Variants in GPHN observed in about 807,000 individuals in gnomAD.
The protein encoded by GPHN is gephyrin.
Under a neutral mutation model 95.5 loss-of-function variants are expected in GPHN, and 17 were observed. That is an observed-to-expected ratio of 0.18 (90% confidence interval 0.12 to 0.27). The LOEUF (loss-of-function observed/expected upper bound fraction) is 0.27. Among genes scored for constraint, GPHN ranks in the 10% least tolerant of loss-of-function variants. The pLI is 1.00. For missense variants in GPHN, 660 were observed against 978.1 expected (o/e 0.67, Z 4.34); for synonymous variants, 320 against 322.5 (o/e 0.99, Z 0.08).
chr14:67,312,018 G>C, the GPHN span: 1 of 152,640 alleles, frequency 6.6e-6, no homozygotes, highest in Admixed American at 6.5e-5. Context: ...GTAAGGTAAA[G>C]TGTACCTTTT....
chr14:67,171,529 G>A (rs866190776), intron 21 of GPHN, among the ~76,000 whole-genome samples: 16 of 151,748 alleles, frequency 1.1e-4, no homozygotes, highest in Admixed American at 2.0e-4. Context: ...AGCTTTTTTC[G>A]CTAGAAACAT....
At chr14:67,340,846 G>C in the GPHN span, among the ~76,000 whole-genome samples, 182 of 152,288 alleles carry the variant, frequency 1.2e-3, no homozygotes, top group Middle Eastern at 3.4e-3. Flanking sequence ...ACTGGTTTTC[G>C]TATTTTTTTG....
the GPHN span, among the ~76,000 whole-genome samples, chr14:67,667,364 C>T: frequency 6.6e-6 from 1 of 152,122 alleles, no homozygotes; most frequent in Non-Finnish European, 1.5e-5. Flanking sequence ...GGAGGACTTA[C>T]ACCCTTTATT....
At chr14:66,709,490 A>G (rs1164588753) in intron 2 of GPHN, 1 of 441,146 alleles carries the variant, frequency 2.3e-6, no homozygotes, top group Admixed American at 2.4e-5. Context: ...AGCCTATACA[A>G]TGTGAATTCA....
At chr14:66,632,723 C>A (rs937931833) in intron 1 of GPHN, among the ~76,000 whole-genome samples, 1 of 152,026 alleles carries the variant, frequency 6.6e-6, no homozygotes, top group African/African-American at 2.4e-5. Flanking sequence ...CAACTTCTGA[C>A]CTCGTGATCC....
chr14:67,415,265 C>CT, the GPHN span, among the ~76,000 whole-genome samples: 8,875 of 150,828 alleles, frequency 0.059, 365 homozygotes, highest in Middle Eastern at 0.15. Context: ...TGAACCCTGC[C>CT]TTTTTTTTTA....
At chr14:67,340,943 C>T in the GPHN span, among the ~76,000 whole-genome samples, 5 of 152,248 alleles carry the variant, frequency 3.3e-5, no homozygotes, top group African/African-American at 7.2e-5. Flanking sequence ...CCCGAGGTGC[C>T]GGGATTGCAG....
At chr14:67,465,726 G>GC in the GPHN span, among the ~76,000 whole-genome samples, 1 of 152,156 alleles carries the variant, frequency 6.6e-6, no homozygotes, top group East Asian at 1.9e-4. Flanking sequence ...CCACGTCCAA[G>GC]CCCCCTGAAG....
At position 67,156,455 on chromosome 14, in the gene GPHN, G is replaced by A. The variant is rs141748374; in HGVS notation, c.1837-2960G>A. On this transcript the variant is annotated intron_variant, in intron 18 of 22. Transcript: ENST00000478722. ...CTGGGAAGTGATTTTTAAAAACCCA[G>A]TTATGAGTAGACTGTAATAAGTCAA... Among the ~76,000 whole-genome samples, 513 of 152,176 alleles carry A rather than the reference G, an allele frequency of 3.4e-3. 1 individual carries two copies. Among genetic ancestry groups the A allele is most frequent in the Non-Finnish European group, 6.1e-3 (413 of 67,996 alleles).
At chr14:66,891,502 TC>T (rs2064498732) in intron 5 of GPHN, among the ~76,000 whole-genome samples, 1 of 151,852 alleles carries the variant, frequency 6.6e-6, no homozygotes, top group Admixed American at 6.6e-5. Flanking sequence ...TCAAAATGGA[TC>T]AAAGACCTGT....
intron 5 of GPHN, among the ~76,000 whole-genome samples, chr14:66,910,037 G>T (rs1301262500): frequency 1.3e-5 from 2 of 151,862 alleles, no homozygotes; most frequent in African/African-American, 4.8e-5. Flanking sequence ...TCATCAAAAT[G>T]GATTTAATAA....
intron 1 of GPHN, among the ~76,000 whole-genome samples, chr14:66,614,477 T>C (rs769855599): frequency 6.6e-6 from 1 of 152,120 alleles, no homozygotes. Flanking sequence ...TTAAAACTTA[T>C]TCACTTATTG....
chr14:67,286,237 A>G, the GPHN span, among the ~76,000 whole-genome samples: 1 of 152,130 alleles, frequency 6.6e-6, no homozygotes, highest in Non-Finnish European at 1.5e-5. Flanking sequence ...CCTAGCACAT[A>G]TATCAGTCTT....
At chr14:67,606,438 A>G in the GPHN span, among the ~76,000 whole-genome samples, 1 of 152,198 alleles carries the variant, frequency 6.6e-6, no homozygotes, top group Non-Finnish European at 1.5e-5. Context: ...AGCTTGTGAG[A>G]AAGTTTAGAT....
chr14:66,913,363 C>T (rs867750308), intron 5 of GPHN, among the ~76,000 whole-genome samples: 3 of 151,850 alleles, frequency 2.0e-5, no homozygotes, highest in East Asian at 1.9e-4. Flanking sequence ...TTTTTTGAGA[C>T]GAAGTCTTAC....
At chr14:66,957,091 G>A (rs112214188) in intron 8 of GPHN, among the ~76,000 whole-genome samples, 1 of 144,846 alleles carries the variant, frequency 6.9e-6, no homozygotes, top group African/African-American at 2.6e-5. Context: ...ATGTGCACAT[G>A]TACCCTAAAA....
At chr14:67,480,332 C>T in the GPHN span, among the ~76,000 whole-genome samples, 4 of 152,124 alleles carry the variant, frequency 2.6e-5, no homozygotes, top group African/African-American at 9.7e-5. Flanking sequence ...GCAATAATAA[C>T]CCCACATATG....
chr14:67,557,736 A>C, the GPHN span, among the ~76,000 whole-genome samples: 2 of 152,210 alleles, frequency 1.3e-5, no homozygotes, highest in Non-Finnish European at 2.9e-5. Flanking sequence ...ACACATTTAT[A>C]AAAGAAGGGT....
chr14:67,707,428 G>GAA, the GPHN span, among the ~76,000 whole-genome samples: 1 of 151,732 alleles, frequency 6.6e-6, no homozygotes, highest in Admixed American at 6.6e-5. Context: ...AGAGCAGCAA[G>GAA]AATATATATA....
Sources: allele counts gnomAD v4.1 joint callset (sites outside exome capture counted in the v4.1 genomes callset), GRCh38; gene constraint gnomAD v4.1.1; transcripts MANE v1.5; gene names NCBI Gene and HGNC (gene_info 2026-07-23, HGNC 2026-07-21).